The following SEMA3C variants were observed in gnomAD, a reference collection of about 807,000 sequenced individuals.
SEMA3C encodes semaphorin-3C.
In SEMA3C, 47 loss-of-function variants were observed where a neutral mutation model predicts 89.4. That is an observed-to-expected ratio of 0.53 (90% confidence interval 0.42 to 0.67). SEMA3C has a LOEUF of 0.67. Ranked by LOEUF, SEMA3C falls within the 30% of genes least tolerant of loss-of-function variation. The pLI is 0.00. For missense variants in SEMA3C, 839 were observed against 929.1 expected (o/e 0.90, Z 1.26); for synonymous variants, 310 against 320.2 (o/e 0.97, Z 0.34).
At chr7:80,754,962 T>TTTTTTTG (rs1788029732) in intron 15 of SEMA3C, among the ~76,000 whole-genome samples, 2 of 130,688 alleles carry the variant, frequency 1.5e-5, no homozygotes, top group African/African-American at 2.7e-5. Flanking sequence ...TTTTTGTTTT[T>TTTTTTTG]TTTTTTTTTG....
intron 11 of SEMA3C, among the ~76,000 whole-genome samples, chr7:80,789,876 A>G (rs1330783263): frequency 6.6e-6 from 1 of 152,212 alleles, no homozygotes; most frequent in African/African-American, 2.4e-5. Flanking sequence ...ACTAGTGGAC[A>G]CAATCTAATG....
At chr7:80,875,876 T>A (rs1195550938) in intron 2 of SEMA3C, among the ~76,000 whole-genome samples, 4 of 151,602 alleles carry the variant, frequency 2.6e-5, no homozygotes, top group East Asian at 3.9e-4. Flanking sequence ...GAAAAAAAAA[T>A]TATATGCTGA....
intron 12 of SEMA3C, among the ~76,000 whole-genome samples, chr7:80,769,110 T>C (rs973542989): frequency 2.0e-5 from 3 of 152,230 alleles, no homozygotes; most frequent in East Asian, 3.9e-4. Context: ...ATTTATGAGG[T>C]ACATGTGGTA....
chr7:80,922,051 T>G (rs1476265586), upstream of SEMA3C, among the ~76,000 whole-genome samples: 1 of 152,228 alleles, frequency 6.6e-6, no homozygotes, highest in Non-Finnish European at 1.5e-5. Context: ...TCATAAAAAC[T>G]GATATTTGTA....
chr7:80,798,139 G>A lies in SEMA3C; in HGVS notation c.1084C>T (p.Gln362Ter). Residue 362 changes from glutamine to a stop codon, truncating the protein, a stop_gained, in exon 11 of 18, where the codon CAG (glutamine) becomes TAG (stop). Transcript: ENST00000265361. LOFTEE classifies it high-confidence loss of function. ...PFAHKEGPNH[Q>*]LISYQGRIPY... is the part of the protein sequence containing the mutation. ...ATTCTGCCCTGATAGGAAATCAGCTGATGATTGGGCCCTTCTTTGTGGGCA... is the reference window on the plus strand; with the variant it reads ...ATTCTGCCCTGATAGGAAATCAGCTAATGATTGGGCCCTTCTTTGTGGGCA... 3 of 1,608,016 alleles carry A rather than the reference G, an allele frequency of 1.9e-6. No homozygotes were observed. The highest frequency in any genetic ancestry group is 2.3e-5 in the East Asian group (1 of 44,400).
At chr7:80,821,035 AC>A (rs1789734273) in intron 4 of SEMA3C, among the ~76,000 whole-genome samples, 1 of 152,232 alleles carries the variant, frequency 6.6e-6, no homozygotes, top group South Asian at 2.1e-4. Flanking sequence ...TCAAATGCCA[AC>A]TATACTCATT....
At chr7:80,778,396 C>T (rs1244833241) in intron 12 of SEMA3C, among the ~76,000 whole-genome samples, 1 of 152,214 alleles carries the variant, frequency 6.6e-6, no homozygotes, top group East Asian at 1.9e-4. Flanking sequence ...CGGGGCTAAT[C>T]TTCTCTATTT....
intron 10 of SEMA3C, among the ~76,000 whole-genome samples, chr7:80,799,381 G>C (rs1789143800): frequency 6.6e-6 from 1 of 151,962 alleles, no homozygotes; most frequent in African/African-American, 2.4e-5. Context: ...CTGAGTTACA[G>C]CTTAACTCTA....
intron 11 of SEMA3C, among the ~76,000 whole-genome samples, chr7:80,792,741 A>G (rs1483458672): frequency 2.0e-5 from 3 of 152,182 alleles, no homozygotes; most frequent in Non-Finnish European, 4.4e-5. Flanking sequence ...GTCTCCTAGT[A>G]TATGTTCAAA....
In SEMA3C at chr7:80,918,986, C is replaced by A. The variant is rs934249891; in HGVS notation, c.-197G>T. ...CCTCTGAGTTTCTTTGTAAAGGAAT[C>A]TCAGCGCTGCAGTGCCGCGGCACCC... On this transcript the variant is annotated 5_prime_UTR_variant, in exon 1 of 18. Transcript: ENST00000265361. 5.1e-6 allele frequency: 5 copies of A among 985,294 alleles called. No homozygotes were observed. The African/African-American group carries it at 8.7e-5, about 17-fold the overall frequency. 61.0% of individuals were successfully genotyped at this position (985,294 alleles called of 1,614,324 possible).
At chr7:80,862,260 A>G (rs1408593951) in intron 2 of SEMA3C, among the ~76,000 whole-genome samples, 1 of 152,178 alleles carries the variant, frequency 6.6e-6, no homozygotes, top group Non-Finnish European at 1.5e-5. Flanking sequence ...TACAAGACTA[A>G]GATACACAAG....
chr7:80,835,998 T>G (rs959448648), intron 2 of SEMA3C, among the ~76,000 whole-genome samples: 18 of 152,196 alleles, frequency 1.2e-4, no homozygotes, highest in Non-Finnish European at 5.9e-5. Flanking sequence ...GACTGACAAC[T>G]TCGACAGTTA....
chr7:80,754,196 C>A (rs940327374), intron 15 of SEMA3C, among the ~76,000 whole-genome samples: 5 of 152,140 alleles, frequency 3.3e-5, no homozygotes, highest in Non-Finnish European at 7.4e-5. Context: ...CTCGGCCTCG[C>A]AAAGTGCTGG....
chr7:80,791,284 G>A (rs1436779072), intron 11 of SEMA3C, among the ~76,000 whole-genome samples: 4 of 152,078 alleles, frequency 2.6e-5, no homozygotes, highest in African/African-American at 9.7e-5. Context: ...TTGGATCTGA[G>A]TGTTAAGTTA....
chr7:80,908,653 T>C (rs1335946535), intron 2 of SEMA3C, among the ~76,000 whole-genome samples: 1 of 152,148 alleles, frequency 6.6e-6, no homozygotes, highest in Non-Finnish European at 1.5e-5. Flanking sequence ...CCGTTATCTG[T>C]GCTAGGGATG....
At chr7:80,827,215 C>T (rs1241128003) in intron 4 of SEMA3C, among the ~76,000 whole-genome samples, 4 of 152,100 alleles carry the variant, frequency 2.6e-5, no homozygotes, top group African/African-American at 7.2e-5. Context: ...GAAAGCAAGG[C>T]AAGCAATTTT....
At chr7:80,905,999 G>A (rs1792006091) in intron 2 of SEMA3C, 1 of 768,710 alleles carries the variant, frequency 1.3e-6, no homozygotes, top group African/African-American at 1.8e-5. Context: ...TAAGGAAGCT[G>A]GGTGAGTAGA....
chr7:80,877,998 T>C (rs1377593083), intron 2 of SEMA3C, among the ~76,000 whole-genome samples: 1 of 152,176 alleles, frequency 6.6e-6, no homozygotes, highest in Non-Finnish European at 1.5e-5. Flanking sequence ...TTAAAATTTA[T>C]CTCCTTCATT....
At chr7:80,914,948 G>C (rs965137695) in intron 2 of SEMA3C, among the ~76,000 whole-genome samples, 1 of 152,070 alleles carries the variant, frequency 6.6e-6, no homozygotes, top group Non-Finnish European at 1.5e-5. Flanking sequence ...AATTGCAATT[G>C]CTTTTTCAAA....
Sources: allele counts gnomAD v4.1 joint callset (sites outside exome capture counted in the v4.1 genomes callset), GRCh38; gene constraint gnomAD v4.1.1; transcripts MANE v1.5; gene names NCBI Gene and HGNC (gene_info 2026-07-23, HGNC 2026-07-21).